Variants in DNAJC25 observed in about 807,000 individuals in gnomAD.
The protein encoded by DNAJC25 is dnaJ homolog subfamily C member 25.
Under a neutral mutation model 42.1 loss-of-function variants are expected in DNAJC25, and 26 were observed. The ratio of observed to expected loss-of-function variants is 0.62; its 90% CI spans 0.45 to 0.86. The LOEUF (loss-of-function observed/expected upper bound fraction) is 0.86, where lower values mean the gene tolerates loss of function less well. Among genes scored for constraint, DNAJC25 ranks in the 40% least tolerant of loss-of-function variants. The probability of loss-of-function intolerance (pLI) is 0.00; values close to 1 mark genes in which losing one functional copy is unlikely to be tolerated. For synonymous variants in DNAJC25, 189 were observed against 179.9 expected, an observed-to-expected ratio of 1.05 and a Z score of -0.40; for missense variants, 404 against 459.4, an observed-to-expected ratio of 0.88 and a Z score of 1.10.
Position 111,647,379 on chromosome 9 carries a change from C to G in DNAJC25, c.489+120C>G. 8 of 1,275,024 alleles carry G rather than the reference C, an allele frequency of 6.3e-6. No individual in the cohort carries two copies. The South Asian group carries it at 1.3e-4, about 20-fold the overall frequency. The allele number at this position is 1,275,024 out of a possible 1,614,324, so 79.0% of individuals were successfully genotyped here. A position where few individuals can be genotyped will look rare whatever the true frequency, so the allele number is the denominator to read the frequency against. On this transcript the variant is annotated intron_variant, in intron 2 of 3. Transcript: ENST00000313525. The stretch of plus-strand genomic sequence containing the variant: ...GTAAAATTTTACTTCTAGTTGAGAT[C>G]TGTTTTAGTCATTGGCAATGTTGGA...
At position 111,631,866 on chromosome 9, in the gene DNAJC25, G is replaced by A. The variant is rs10980985; in HGVS notation, c.336+123G>A. The A allele has an allele frequency of 2.9e-6, 4 of 1,388,900 alleles. No homozygotes were observed. The South Asian group carries it at 6.3e-5, about 22-fold the overall frequency. 86.0% of individuals were successfully genotyped at this position (1,388,900 alleles called of 1,614,324 possible). ...CGAAACTGAGCACAGCCACCACCGCGACCTTTAAGATACTCACGTTTCCCA... is the reference window on the plus strand; with the variant it reads ...CGAAACTGAGCACAGCCACCACCGCAACCTTTAAGATACTCACGTTTCCCA... On this transcript the variant is annotated intron_variant, in intron 1 of 3. Transcript: ENST00000313525.
intron 2 of DNAJC25, among the ~76,000 whole-genome samples, chr9:111,648,652 A>G (rs62569919): frequency 0.05 from 7,545 of 152,236 alleles, 309 homozygotes; most frequent in South Asian, 0.15. Flanking sequence ...AGAACGATTT[A>G]CCCTTTCAAA....
At chr9:111,631,827 G>T in intron 1 of DNAJC25, 84 bp downstream of exon 1, 1 of 1,431,578 alleles carries the variant, frequency 7.0e-7, no homozygotes, top group Non-Finnish European at 9.1e-7. Flanking sequence ...GCGGAGCGTG[G>T]GCCTCTGTGA....
chr9:111,639,948 C>CTCCGTGTCCGTGTCCGTG (rs1390656503), intron 1 of DNAJC25, among the ~76,000 whole-genome samples: 3 of 149,414 alleles, frequency 2.0e-5, no homozygotes, highest in Admixed American at 6.7e-5. Context: ...CCGTCTCCGT[C>CTCCGTGTCCGTGTCCGTG]TCCGTCTCCG....
chr9:111,637,688 C>A (rs1885502), intron 1 of DNAJC25, among the ~76,000 whole-genome samples: 5,671 of 152,250 alleles, frequency 0.037, 291 homozygotes, highest in Admixed American at 0.12. Flanking sequence ...TGGAACTGTT[C>A]TTGTTGAGGT....
At chr9:111,632,776 C>G (rs1017225446) in intron 1 of DNAJC25, among the ~76,000 whole-genome samples, 1 of 151,030 alleles carries the variant, frequency 6.6e-6, no homozygotes, top group Non-Finnish European at 1.5e-5. Flanking sequence ...ATAATTTTAC[C>G]TTGGATTGTT....
intron 1 of DNAJC25, among the ~76,000 whole-genome samples, chr9:111,645,139 T>C (rs7350294): frequency 0.13 from 20,050 of 152,258 alleles, 1,905 homozygotes; most frequent in East Asian, 0.42. Flanking sequence ...TATATTCGTA[T>C]CTAATTAAGC....
At chr9:111,633,834 A>G (rs1830324385) in intron 1 of DNAJC25, among the ~76,000 whole-genome samples, 1 of 152,204 alleles carries the variant, frequency 6.6e-6, no homozygotes, top group Admixed American at 6.5e-5. Flanking sequence ...CCTAAAGTTT[A>G]CCACTCATTG....
In DNAJC25 at chr9:111,640,144, T is replaced by C. The variant is rs1055847003; in HGVS notation, c.337-6963T>C. ...GGTTTCGCTGTGTTGGCCGGGCCGG[T>C]CTCCAGCCCCTAACCGCGAGTGATC... On this transcript the variant is annotated intron_variant, in intron 1 of 3. Coordinates refer to ENST00000313525, the MANE Select transcript of DNAJC25 (RefSeq NM_001015882.3). 3.0e-4 allele frequency among the ~76,000 whole-genome samples: 45 copies of C among 149,860 alleles called. 1 individual carries two copies. The highest frequency in any genetic ancestry group is 5.5e-4 in the Non-Finnish European group (37 of 67,420).
chr9:111,633,748 C>G (rs937637713), intron 1 of DNAJC25, among the ~76,000 whole-genome samples: 4 of 152,098 alleles, frequency 2.6e-5, no homozygotes, highest in Non-Finnish European at 4.4e-5. Context: ...GGAGGGCCAC[C>G]AGGAGAGACT....
At position 111,631,397 on chromosome 9, in the gene DNAJC25, C is replaced by T; in HGVS notation, c.-11C>T. 7.9e-7 allele frequency: 1 copy of T among 1,273,402 alleles called. No homozygotes were observed. The highest frequency in any genetic ancestry group is 9.9e-7 in the Non-Finnish European group (1 of 1,013,746). The allele number at this position is 1,273,402 out of a possible 1,614,324, so 78.9% of individuals were successfully genotyped here. On this transcript the variant is annotated 5_prime_UTR_variant, in exon 1 of 4. Coordinates refer to ENST00000313525, the MANE Select transcript of DNAJC25 (RefSeq NM_001015882.3). ...ATCGCTGGGGTGGCAGAGCCGCCAG[C>T]GAGGCTGGGGATGGGGGCGCCGCTG...
chr9:111,636,589 C>T (rs757616056), intron 1 of DNAJC25, among the ~76,000 whole-genome samples: 1 of 152,078 alleles, frequency 6.6e-6, no homozygotes, highest in Non-Finnish European at 1.5e-5. Context: ...CAAATAGCTG[C>T]GATTACTGGC....
At chr9:111,649,280 G>A (rs1423936127) in intron 2 of DNAJC25, among the ~76,000 whole-genome samples, 173 bp from the exon 3 acceptor site, 2 of 151,908 alleles carry the variant, frequency 1.3e-5, no homozygotes, top group Non-Finnish European at 2.9e-5. Context: ...TCCTGTGTAC[G>A]CATGGGCTTC....
At chr9:111,633,821 A>C (rs1026408546) in intron 1 of DNAJC25, among the ~76,000 whole-genome samples, 13 of 152,172 alleles carry the variant, frequency 8.5e-5, no homozygotes, top group African/African-American at 3.1e-4. Context: ...AAAGGTTTCT[A>C]CCCCTAAAGT....
intron 1 of DNAJC25, among the ~76,000 whole-genome samples, chr9:111,641,373 C>T (rs1227085039): frequency 4.2e-5 from 6 of 142,692 alleles, no homozygotes; most frequent in African/African-American, 1.3e-4. Flanking sequence ...GCCCCCCGCC[C>T]GGCCAGCCGC....
chr9:111,648,056 C>T (rs1247480464), intron 2 of DNAJC25, among the ~76,000 whole-genome samples: 5 of 152,152 alleles, frequency 3.3e-5, no homozygotes, highest in African/African-American at 4.8e-5. Flanking sequence ...GAATTACAGG[C>T]GTGAGCCACT....
chr9:111,648,527 C>T (rs1313187370), intron 2 of DNAJC25, among the ~76,000 whole-genome samples: 1 of 151,944 alleles, frequency 6.6e-6, no homozygotes, highest in Non-Finnish European at 1.5e-5. Flanking sequence ...ACCGCAGCCT[C>T]TCAAAGTGCT....
chr9:111,643,278 T>G (rs1272860548), intron 1 of DNAJC25, among the ~76,000 whole-genome samples: 1 of 152,174 alleles, frequency 6.6e-6, no homozygotes, highest in Non-Finnish European at 1.5e-5. Flanking sequence ...GGAAAAACCT[T>G]CACAAAAGTT....
intron 1 of DNAJC25, among the ~76,000 whole-genome samples, chr9:111,646,256 G>C (rs1014699242): frequency 1.3e-5 from 2 of 152,176 alleles, no homozygotes; most frequent in Non-Finnish European, 2.9e-5. Flanking sequence ...TCTGCAACCT[G>C]CATAGCTCAG....
Sources: gnomAD v4.1 joint callset for allele counts (sites outside exome capture counted in the v4.1 genomes callset) on GRCh38, gnomAD v4.1.1 for gene constraint, MANE v1.5 for transcripts, NCBI Gene and HGNC (gene_info 2026-07-23, HGNC 2026-07-21) for gene names.